Variants in RFX8 observed in about 807,000 individuals in gnomAD.
RFX8 encodes the protein DNA-binding protein RFX8.
RFX8 carries 46 observed loss-of-function variants against 54.6 expected under a neutral mutation model. That is an observed-to-expected ratio of 0.84 (90% CI 0.67 to 1.08). The LOEUF (loss-of-function observed/expected upper bound fraction) is 1.08. Among genes scored for constraint, RFX8 ranks in the 50% least tolerant of loss-of-function variants. The pLI, the probability that RFX8 is intolerant of heterozygous loss-of-function variation, is 0.00. For synonymous variants in RFX8, 192 were observed against 209.5 expected (o/e 0.92, Z 0.72); for missense variants, 536 against 562.3 (o/e 0.95, Z 0.47).
chr2:101,418,971 T>C lies in RFX8; in HGVS notation c.238-7A>G, dbSNP rs1686698000. ...AAGTAAGCAAGTCCTCCACCTGGGG[T>C]AAGTAACAGAGCATATCGCCAAAAC... On this transcript the variant is annotated splice_region_variant and splice_polypyrimidine_tract_variant and intron_variant, in intron 4 of 11. Transcript: ENST00000428343. The C allele has an allele frequency of 6.7e-7, 1 of 1,498,276 alleles. No individual in the cohort carries two copies. The highest frequency in any genetic ancestry group is 1.2e-5 in the South Asian group (1 of 82,806). 92.8% of individuals were successfully genotyped at this position (1,498,276 alleles called of 1,614,324 possible).
At chr2:101,400,110 G>A (rs1439098257) in intron 11 of RFX8, among the ~76,000 whole-genome samples, 1 of 152,136 alleles carries the variant, frequency 6.6e-6, no homozygotes, top group Non-Finnish European at 1.5e-5. Flanking sequence ...GCTCAGCTCC[G>A]GGAGACTGTC....
Position 101,442,535 on chromosome 2 carries a change from C to G in RFX8, c.73-20063G>C, listed in dbSNP as rs79542040. 5.4e-3 allele frequency among the ~76,000 whole-genome samples: 819 copies of G among 151,668 alleles called. 7 individuals are homozygous for G. The highest frequency in any genetic ancestry group is 0.019 in the African/African-American group (789 of 41,356). On this transcript the variant is annotated intron_variant, in intron 2 of 11. Coordinates refer to ENST00000428343, the MANE Select transcript of RFX8 (RefSeq NM_001145664.2). The stretch of plus-strand genomic sequence containing the variant: ...AAATTGTGGTTGACAGTTCTTATCT[C>G]AGCCCTTGAAACCTTTTGTGCCACT...
intron 1 of RFX8, among the ~76,000 whole-genome samples, chr2:101,470,866 C>T (rs554698062): frequency 3.9e-4 from 59 of 150,790 alleles, no homozygotes; most frequent in Admixed American, 9.2e-4. Context: ...ACTACAGGCG[C>T]CTGCCACCTC....
At chr2:101,442,271 T>C (rs1199065776) in intron 2 of RFX8, among the ~76,000 whole-genome samples, 6 of 152,218 alleles carry the variant, frequency 3.9e-5, no homozygotes, top group Non-Finnish European at 8.8e-5. Flanking sequence ...ACATGATTCA[T>C]AGAACTTGTG....
intron 2 of RFX8, among the ~76,000 whole-genome samples, chr2:101,462,823 C>T (rs1053329257): frequency 2.0e-5 from 3 of 152,162 alleles, no homozygotes; most frequent in African/African-American, 7.2e-5. Context: ...GTCTGTCTGC[C>T]TGTGTGTCTG....
At chr2:101,450,477 C>G in intron 2 of RFX8, 1 of 568,854 alleles carries the variant, frequency 1.8e-6, no homozygotes, top group Non-Finnish European at 3.1e-6. Flanking sequence ...GTTCTTGTGC[C>G]CCAGCCTCCC....
At position 101,469,055 on chromosome 2, in the gene RFX8, C is replaced by T. The variant is rs4334513; in HGVS notation, c.-52-2155G>A. Among the ~76,000 whole-genome samples the T allele has an allele frequency of 2.2e-4, 23 of 102,552 alleles. 1 individual carries two copies. Among genetic ancestry groups the T allele is most frequent in the African/African-American group, 6.9e-4 (15 of 21,822 alleles). The allele number at this position is 102,552 out of a possible 152,430, so 67.3% of individuals were successfully genotyped here. A position where few individuals can be genotyped will look rare whatever the true frequency, so the allele number is the denominator to read the frequency against. ...ACGTATATATATGTATATATATATA[C>T]GTATATATATGTATATATATATAAG... On this transcript the variant is annotated intron_variant, in intron 1 of 11. Transcript: ENST00000428343.
chr2:101,435,762 G>A (rs2148950471), intron 2 of RFX8, among the ~76,000 whole-genome samples: 1 of 152,256 alleles, frequency 6.6e-6, no homozygotes, highest in South Asian at 2.1e-4. Flanking sequence ...AAGGGAGGGG[G>A]AATGTGCTGG....
At position 101,402,535 on chromosome 2, in the gene RFX8, C is replaced by T; in HGVS notation, c.1146G>A (p.Val382=). ...GGCCCTGGCCCATGTGTGTGGGCAT[C>T]ACCCCCAGTGGCTCCATGCTGGGGC... ...CASPSMEPLG[V]MPTHMGQGRY... Residue 382 remains valine (V), a synonymous_variant, in exon 11 of 12, where the codon GTG becomes GTA. Transcript: ENST00000428343. The T allele has an allele frequency of 6.4e-7, 1 of 1,551,792 alleles. No homozygotes were observed.
chr2:101,430,886 CTAAA>C (rs1402081334), intron 2 of RFX8, among the ~76,000 whole-genome samples: 1 of 152,076 alleles, frequency 6.6e-6, no homozygotes, highest in Non-Finnish European at 1.5e-5. Context: ...TGAAATTTCA[CTAAA>C]TAAAGGGCTC....
intron 2 of RFX8, among the ~76,000 whole-genome samples, chr2:101,424,568 G>A (rs572407073): frequency 1.9e-4 from 29 of 152,266 alleles, no homozygotes; most frequent in Admixed American, 2.0e-4. Context: ...ACATGCACAC[G>A]TATGTTTATT....
intron 2 of RFX8, among the ~76,000 whole-genome samples, chr2:101,441,333 G>C (rs572325210): frequency 6.6e-5 from 10 of 152,280 alleles, no homozygotes; most frequent in Middle Eastern, 3.4e-3. Flanking sequence ...AGAGGTAGGT[G>C]ATTTGGTCTT....
At chr2:101,442,521 G>A (rs909950605) in intron 2 of RFX8, among the ~76,000 whole-genome samples, 1 of 151,642 alleles carries the variant, frequency 6.6e-6, no homozygotes, top group Non-Finnish European at 1.5e-5. Flanking sequence ...AATTGTGGTT[G>A]ACAGTTCTTA....
intron 9 of RFX8, among the ~76,000 whole-genome samples, chr2:101,408,395 G>T (rs1685880119): frequency 6.6e-6 from 1 of 151,924 alleles, no homozygotes; most frequent in Admixed American, 6.6e-5. Flanking sequence ...TGAGGCAGGA[G>T]AATGGCGTGA....
chr2:101,470,410 C>T (rs1689910554), intron 1 of RFX8, among the ~76,000 whole-genome samples: 1 of 152,174 alleles, frequency 6.6e-6, no homozygotes, highest in African/African-American at 2.4e-5. Flanking sequence ...CGATTGGGGA[C>T]TGGCAGAACT....
intron 9 of RFX8, among the ~76,000 whole-genome samples, chr2:101,409,207 T>A (rs1325515049): frequency 1.3e-5 from 2 of 152,050 alleles, no homozygotes; most frequent in Non-Finnish European, 2.9e-5. Context: ...CATTTCCCTC[T>A]AGGTGTTTTT....
chr2:101,473,178 T>A (rs181376635), intron 1 of RFX8, among the ~76,000 whole-genome samples: 122 of 152,282 alleles, frequency 8.0e-4, no homozygotes, highest in Admixed American at 1.6e-3. Flanking sequence ...CTTAGGAGGA[T>A]GTTCAGGTAT....
intron 2 of RFX8, among the ~76,000 whole-genome samples, chr2:101,448,979 T>C (rs967307226): frequency 6.6e-6 from 1 of 152,128 alleles, no homozygotes; most frequent in Non-Finnish European, 1.5e-5. Flanking sequence ...TAGCTGGCAT[T>C]GTTGGGGATG....
At chr2:101,448,695 T>C (rs1462830670) in intron 2 of RFX8, among the ~76,000 whole-genome samples, 1 of 152,208 alleles carries the variant, frequency 6.6e-6, no homozygotes, top group Non-Finnish European at 1.5e-5. Flanking sequence ...AGGCTCCTCA[T>C]CTCTCTACCA....
Sources: gnomAD v4.1 joint callset for allele counts (sites outside exome capture counted in the v4.1 genomes callset) on GRCh38, gnomAD v4.1.1 for gene constraint, MANE v1.5 for transcripts, NCBI Gene and HGNC (gene_info 2026-07-23, HGNC 2026-07-21) for gene names.